Variants in MPP1 observed in about 807,000 individuals in gnomAD.
MPP1 encodes 55 kDa erythrocyte membrane protein.
A neutral mutation model predicts 38.2 loss-of-function variants in MPP1; 6 were observed. That is an observed-to-expected ratio of 0.16 (90% CI 0.09 to 0.31). The LOEUF (loss-of-function observed/expected upper bound fraction) is 0.31, where lower values mean the gene tolerates loss of function less well. Ranked by LOEUF, MPP1 falls within the 10% of genes least tolerant of loss-of-function variation. MPP1 has a pLI of 1.00. For missense variants in MPP1, 293 were observed against 368.9 expected (o/e 0.79, Z 1.69); for synonymous variants, 153 against 146.3 (o/e 1.05, Z -0.33).
intron 5 of MPP1, among the ~76,000 whole-genome samples, chrX:154,788,700 T>A (rs955157764): frequency 1.8e-5 from 2 of 112,222 alleles, no homozygotes; most frequent in Non-Finnish European, 3.8e-5. Flanking sequence ...AAAAATCATA[T>A]GATTTTTCTC....
chrX:154,799,992 A>C, intron 1 of MPP1: 2 of 674,080 alleles, frequency 3.0e-6, no homozygotes, highest in Non-Finnish European at 4.3e-6. Context: ...TCTAATCCAA[A>C]CAATTAGATT....
intron 5 of MPP1, among the ~76,000 whole-genome samples, chrX:154,787,129 CA>C (rs2072087231): frequency 1.9e-5 from 2 of 107,439 alleles, no homozygotes; most frequent in African/African-American, 6.9e-5. Flanking sequence ...CACACACACA[CA>C]CACACACACA....
At chrX:154,784,852 C>G (rs1557267021) in intron 7 of MPP1, 199 bp downstream of exon 7, 1 of 492,269 alleles carries the variant, frequency 2.0e-6, no homozygotes, top group Admixed American at 2.7e-5. Flanking sequence ...CACTAGTCCT[C>G]CTTTACATCC....
At position 154,797,523 on chromosome X, in the gene MPP1, T is replaced by C. The variant is rs192079460; in HGVS notation, c.103-5238A>G. Among the ~76,000 whole-genome samples, 7 of 111,332 alleles carry C rather than the reference T, an allele frequency of 6.3e-5. No homozygotes were observed. The Admixed American group carries it at 6.6e-4, about 11-fold the overall frequency. On this transcript the variant is annotated intron_variant, in intron 1 of 11. Transcript: ENST00000369534. ...AACAGACCCACAGAGATATGCCCAG[T>C]TGATTTTTAACAAAGATGCAAAAGC...
chrX:154,795,155 G>A (rs1486834676), intron 1 of MPP1, among the ~76,000 whole-genome samples: 1 of 111,790 alleles, frequency 8.9e-6, no homozygotes, highest in African/African-American at 3.3e-5. Context: ...GTTTGAAGTA[G>A]TATTCGCTAT....
In MPP1 at chrX:154,791,081, G is replaced by GA. The variant is rs782767284; in HGVS notation, c.326-14dup. 2.5e-6 allele frequency: 3 copies of GA among 1,195,215 alleles called. No homozygotes were observed. Among genetic ancestry groups the GA allele is most frequent in the Non-Finnish European group, 3.4e-6 (3 of 882,309 alleles). On this transcript the variant is annotated splice_polypyrimidine_tract_variant and intron_variant, in intron 3 of 11. Coordinates refer to ENST00000369534, the MANE Select transcript of MPP1 (RefSeq NM_002436.4). ...ACGTGAAGGGAGCCTGCCATGAAAT[G>GA]AAAAATCAATCCACAAAAGAACAAA... is the stretch of plus-strand genomic sequence containing the variant.
chrX:154,793,671 A>G (rs1333195141), intron 1 of MPP1, among the ~76,000 whole-genome samples: 3 of 112,093 alleles, frequency 2.7e-5, no homozygotes, highest in Non-Finnish European at 5.6e-5. Context: ...AAAATATTAT[A>G]AAATTTAATT....
chrX:154,785,213 C>CG, intron 6 of MPP1, 56 bp from the exon 7 acceptor site: 2 of 910,564 alleles, frequency 2.2e-6, no homozygotes, highest in Middle Eastern at 3.7e-4. Context: ...CTCATACCCC[C>CG]CCCAGCCACT....
At chrX:154,787,536 C>G (rs782680136) in intron 5 of MPP1, among the ~76,000 whole-genome samples, 5 of 112,022 alleles carry the variant, frequency 4.5e-5, no homozygotes, top group African/African-American at 1.6e-4. Flanking sequence ...GATTAAAATT[C>G]TTAGCAAACT....
chrX:154,792,373 G>A, intron 1 of MPP1, 88 bp from the exon 2 acceptor site: 1 of 1,050,193 alleles, frequency 9.5e-7, no homozygotes, highest in South Asian at 2.4e-5. Context: ...CATTCAAGAG[G>A]CTCTGAAAAC....
chrX:154,785,164 G>C lies in MPP1; in HGVS notation c.678-7C>G. Reference sequence around the variant, plus strand: ...AGCCATACTTGCCACTCGCCTGGTAGGAAAAGACAATCAAGGGGTCAGCTT... The same window carrying C: ...AGCCATACTTGCCACTCGCCTGGTACGAAAAGACAATCAAGGGGTCAGCTT... On this transcript the variant is annotated splice_region_variant and splice_polypyrimidine_tract_variant and intron_variant, in intron 6 of 11. Coordinates refer to ENST00000369534, the MANE Select transcript of MPP1 (RefSeq NM_002436.4). 1 of 1,179,452 alleles carries C rather than the reference G, an allele frequency of 8.5e-7. No individual in the cohort carries two copies. Among genetic ancestry groups the C allele is most frequent in the South Asian group, 1.9e-5 (1 of 52,695 alleles).
chrX:154,804,114 A>G (rs1376931225), intron 1 of MPP1, among the ~76,000 whole-genome samples: 1 of 112,154 alleles, frequency 8.9e-6, no homozygotes, highest in Non-Finnish European at 1.9e-5. Flanking sequence ...GCGGTGCAGC[A>G]GACACAAAAT....
intron 1 of MPP1, chrX:154,799,758 T>A (rs1204099868): frequency 1.4e-5 from 16 of 1,162,091 alleles, no homozygotes; most frequent in African/African-American, 1.8e-5. Context: ...GGACTCCATG[T>A]CTGGCCTTTG....
At chrX:154,784,706 G>A (rs1156429953) in intron 7 of MPP1, 1 of 297,462 alleles carries the variant, frequency 3.4e-6, no homozygotes. Flanking sequence ...AATTTAAAAC[G>A]CTAGGGAGGG....
intron 5 of MPP1, among the ~76,000 whole-genome samples, chrX:154,789,055 TCTTAGGCATGG>T (rs1557267474): frequency 9.0e-5 from 10 of 111,546 alleles, no homozygotes; most frequent in African/African-American, 3.3e-4. Flanking sequence ...GGGGCGGCGG[TCTTAGGCATGG>T]GTGTACTCAG....
intron 10 of MPP1, 73 bp downstream of exon 10, chrX:154,781,527 C>A: frequency 1.8e-6 from 2 of 1,096,602 alleles, no homozygotes; most frequent in Middle Eastern, 3.5e-4. Context: ...CCAGAAGATT[C>A]CCAAGGAGCA....
At chrX:154,782,148 G>T in intron 9 of MPP1, 1 of 188,452 alleles carries the variant, frequency 5.3e-6, no homozygotes, top group Non-Finnish European at 9.8e-6. Context: ...CAGATCTACA[G>T]ACTATGGTCA....
At chrX:154,803,358 C>T (rs1322917860) in intron 1 of MPP1, among the ~76,000 whole-genome samples, 1 of 112,569 alleles carries the variant, frequency 8.9e-6, no homozygotes, top group African/African-American at 3.2e-5. Flanking sequence ...TGATCTTCTT[C>T]AAATCCGTTA....
chrX:154,793,387 T>C (rs1162827766), intron 1 of MPP1, among the ~76,000 whole-genome samples: 1 of 112,410 alleles, frequency 8.9e-6, no homozygotes, highest in African/African-American at 3.2e-5. Flanking sequence ...TACAATTTAA[T>C]AACAGGATGA....
Sources: allele counts gnomAD v4.1 joint callset (sites outside exome capture counted in the v4.1 genomes callset), GRCh38; gene constraint gnomAD v4.1.1; transcripts MANE v1.5; gene names NCBI Gene and HGNC (gene_info 2026-07-23, HGNC 2026-07-21).